Variants in MCF2L observed in about 807,000 individuals in gnomAD.
The protein encoded by MCF2L is MCF.2 cell line derived transforming sequence like.
In MCF2L, 97 loss-of-function variants were observed where a neutral mutation model predicts 153.4. The observed-to-expected ratio is 0.63, with a 90% confidence interval of 0.54 to 0.75. The LOEUF is 0.75. MCF2L is among the 30% of genes least tolerant of loss of function. The pLI is 0.00. For missense variants in MCF2L, 1,347 were observed against 1,495.2 expected (o/e 0.90, Z 1.64); for synonymous variants, 659 against 632.2 (o/e 1.04, Z -0.64).
At position 112,932,519 on chromosome 13, in the gene MCF2L, G is replaced by A. The variant is rs1256363310; in HGVS notation, c.169+30148G>A. On this transcript the variant is annotated intron_variant, in intron 2 of 29. Transcript: ENST00000375608. The surrounding 1 kb of genome is among the most constrained non-coding windows in gnomAD (Gnocchi z 4.6). ...AGTTAATAATAATGTACCAATATTG[G>A]CTCATTAATTGCAACAAAGGCACCA... Among the ~76,000 whole-genome samples the A allele has an allele frequency of 1.3e-5, 2 of 152,260 alleles. No homozygotes were observed. Among genetic ancestry groups the A allele is most frequent in the South Asian group, 2.1e-4 (1 of 4,812 alleles).
At chr13:113,006,980 C>A (rs1371340973) in intron 1 of MCF2L, among the ~76,000 whole-genome samples, 2 of 152,172 alleles carry the variant, frequency 1.3e-5, no homozygotes, top group Non-Finnish European at 2.9e-5. Context: ...GAGAGGGTGG[C>A]AGGGTCAGGG....
intron 3 of MCF2L, among the ~76,000 whole-genome samples, chr13:113,034,753 C>G (rs987343097): frequency 6.6e-6 from 1 of 152,198 alleles, no homozygotes; most frequent in Non-Finnish European, 1.5e-5. Flanking sequence ...AGACAAGGCC[C>G]GGGGTTGCAG....
chr13:113,028,233 G>A lies in MCF2L; in HGVS notation c.278+3475G>A, dbSNP rs2085430083. ...TTCTCAAGATTTTTCTAGAATCTGC[G>A]GAGTTCCTTAGCTACCCACATCCCT... On this transcript the variant is annotated intron_variant, in intron 3 of 29. Coordinates refer to ENST00000535094, the MANE Select transcript of MCF2L (RefSeq NM_001112732.3). This position sits in a 1 kb window ranked among gnomAD's most constrained non-coding sequence, Gnocchi z 5.4. Among the ~76,000 whole-genome samples the A allele has an allele frequency of 6.6e-6, 1 of 152,138 alleles. No homozygotes were observed. The highest frequency in any genetic ancestry group is 2.4e-5 in the African/African-American group (1 of 41,426).
rs564502925 is a variant in MCF2L at position 113,030,547 on chromosome 13, C to T, written c.278+5789C>T. 4.9e-3 allele frequency among the ~76,000 whole-genome samples: 562 copies of T among 115,440 alleles called. 5 individuals carry two copies. Among genetic ancestry groups the T allele is most frequent in the African/African-American group, 0.018 (529 of 29,126 alleles). 75.7% of individuals were successfully genotyped at this position (115,440 alleles called of 152,430 possible). ...CAGGTGTGGGCCCTCGGGTGTCCAC[C>T]GACGCAGATGTGGGCCCTCGGGTGT... is the stretch of plus-strand genomic sequence containing the variant. On this transcript the variant is annotated intron_variant, in intron 3 of 29. Coordinates refer to ENST00000535094, the MANE Select transcript of MCF2L (RefSeq NM_001112732.3).
At chr13:113,039,427 T>TTA (rs1255075892) in intron 3 of MCF2L, among the ~76,000 whole-genome samples, 1 of 152,122 alleles carries the variant, frequency 6.6e-6, no homozygotes, top group African/African-American at 2.4e-5. Context: ...TAAAAAGCAG[T>TTA]TATCAAAAAA....
intron 3 of MCF2L, among the ~76,000 whole-genome samples, chr13:113,039,765 G>C (rs2086366719): frequency 6.6e-6 from 1 of 152,214 alleles, no homozygotes; most frequent in South Asian, 2.1e-4. Flanking sequence ...ATCCACAAGA[G>C]TGGCTAAAAT....
intron 16 of MCF2L, 101 bp downstream of exon 16, chr13:113,081,380 A>G: frequency 1.7e-6 from 2 of 1,188,870 alleles, no homozygotes; most frequent in Non-Finnish European, 2.3e-6. Context: ...CCTGCTGTCC[A>G]CCAAATGCAT....
At chr13:112,950,001 T>C (rs2081675702) in intron 2 of MCF2L, among the ~76,000 whole-genome samples, 2 of 138,848 alleles carry the variant, frequency 1.4e-5, no homozygotes, top group Admixed American at 6.9e-5. Flanking sequence ...TCCCAAGGAT[T>C]CTACAAAAAA....
In MCF2L at chr13:113,097,082, G is replaced by A. The variant is rs1400079479; in HGVS notation, c.*223G>A. On this transcript the variant is annotated 3_prime_UTR_variant, in exon 30 of 30. Coordinates refer to ENST00000535094, the MANE Select transcript of MCF2L (RefSeq NM_001112732.3). ...CTCCAGAGCCCACAGAGGAGGGGCC[G>A]CAGGGAACAGCCCCGGGCGGCAGGC... 8 of 359,552 alleles carry A rather than the reference G, an allele frequency of 2.2e-5. No homozygotes were observed. The Admixed American group carries it at 2.8e-4, about 13-fold the overall frequency. 22.3% of individuals were successfully genotyped at this position (359,552 alleles called of 1,614,324 possible).
chr13:113,053,836 G>C lies in MCF2L; in HGVS notation c.370-6757G>C, dbSNP rs1408591102. ...TGTACTCTCCGCCTCTGCAGAGTGA[G>C]GTTTTCACTGATTGCAAAGTAAACA... On this transcript the variant is annotated intron_variant, in intron 4 of 29. Transcript: ENST00000535094. The surrounding 1 kb of genome is among the most constrained non-coding windows in gnomAD (Gnocchi z 4.4). 2.0e-5 allele frequency among the ~76,000 whole-genome samples: 3 copies of C among 152,162 alleles called. No individual in the cohort carries two copies. The highest frequency in any genetic ancestry group is 7.2e-5 in the African/African-American group (3 of 41,442).
In MCF2L at chr13:113,077,678, C is replaced by T. The variant is rs919495423; in HGVS notation, c.1660+467C>T. ...CAGGAGCCCTGAAGAGCCACGTCCG[C>T]GCACCTCAGTCCGGCGCGCATTGCT... On this transcript the variant is annotated intron_variant, in intron 13 of 29. Coordinates refer to ENST00000535094, the MANE Select transcript of MCF2L (RefSeq NM_001112732.3). Among the ~76,000 whole-genome samples, 99 of 152,320 alleles carry T rather than the reference C, an allele frequency of 6.5e-4. 1 individual carries two copies. The highest frequency in any genetic ancestry group is 1.5e-4 in the Non-Finnish European group (10 of 68,040).
intron 3 of MCF2L, among the ~76,000 whole-genome samples, chr13:113,039,964 A>G (rs2141465879): frequency 6.6e-6 from 1 of 152,352 alleles, no homozygotes; most frequent in East Asian, 1.9e-4. Context: ...TGTTCAGTTT[A>G]GCCCCAAACT....
chr13:112,987,097 C>T (rs568623682), intron 1 of MCF2L, among the ~76,000 whole-genome samples: 4 of 152,170 alleles, frequency 2.6e-5, no homozygotes, highest in South Asian at 4.2e-4. Context: ...AGATGGCACC[C>T]GGTGAACTCA....
chr13:113,024,522 G>A (rs1008063002), intron 2 of MCF2L, 122 bp from the exon 3 acceptor site: 2 of 629,292 alleles, frequency 3.2e-6, no homozygotes, highest in Non-Finnish European at 5.8e-6. Context: ...ATTATGCAAC[G>A]ATGAAGAACA....
chr13:113,002,058 G>A (rs2083412422), intron 1 of MCF2L: 1 of 1,418,664 alleles, frequency 7.0e-7, no homozygotes, highest in Non-Finnish European at 9.2e-7. Flanking sequence ...GCCGGGCGGG[G>A]GTGGACGTTC....
In MCF2L at chr13:112,901,263, C is replaced by T. The variant is rs541139895; in HGVS notation, c.-4-936C>T. Reference sequence around the variant, plus strand: ...CCGCCTCCTGGGTTCAAGTGATTCTCGTCCCTCAGCCTCGTGAGTAACTGG... The same window carrying T: ...CCGCCTCCTGGGTTCAAGTGATTCTTGTCCCTCAGCCTCGTGAGTAACTGG... On this transcript the variant is annotated intron_variant, in intron 1 of 29. Coordinates refer to the MCF2L transcript ENST00000375608. Among the ~76,000 whole-genome samples, 7 of 152,340 alleles carry T rather than the reference C, an allele frequency of 4.6e-5. No individual in the cohort carries two copies. The East Asian group carries it at 9.6e-4, about 21-fold the overall frequency.
intron 2 of MCF2L, among the ~76,000 whole-genome samples, chr13:112,954,292 T>C (rs2081730849): frequency 6.6e-6 from 1 of 152,056 alleles, no homozygotes; most frequent in African/African-American, 2.4e-5. Flanking sequence ...CTGAGCCTTC[T>C]CACCTGTCCA....
intron 2 of MCF2L, 116 bp downstream of exon 2, chr13:113,014,962 G>A (rs908936359): frequency 5.9e-6 from 5 of 846,270 alleles, no homozygotes; most frequent in South Asian, 1.4e-5. Flanking sequence ...GCGAGGGGCT[G>A]TGTATTCACT....
chr13:113,089,164 C>T (rs1301287621), intron 25 of MCF2L, among the ~76,000 whole-genome samples: 20 of 85,192 alleles, frequency 2.3e-4, no homozygotes, highest in African/African-American at 9.7e-4. Context: ...AAGAAACACT[C>T]CCCCGCCCCC....
Sources: gnomAD v4.1 joint callset for allele counts (sites outside exome capture counted in the v4.1 genomes callset) on GRCh38, gnomAD v4.1.1 for gene constraint, Gnocchi (gnomAD v3.1) non-coding constraint, MANE v1.5 for transcripts, NCBI Gene and HGNC (gene_info 2026-07-23, HGNC 2026-07-21) for gene names.